The following KLF12 variants were observed in gnomAD, a reference collection of about 807,000 sequenced individuals.
KLF12 encodes Krueppel-like factor 12.
In KLF12, 9 loss-of-function variants were observed where a neutral mutation model predicts 37.8. The observed-to-expected ratio is 0.24, with a 90% CI of 0.14 to 0.42. KLF12 has a LOEUF of 0.42. KLF12 is among the 10% of genes least tolerant of loss of function. KLF12 has a pLI of 1.00. For synonymous variants in KLF12, 208 were observed against 202.1 expected (o/e 1.03, Z -0.25); for missense variants, 411 against 516.0 (o/e 0.80, Z 1.97).
chr13:74,148,055 G>C, the KLF12 span, among the ~76,000 whole-genome samples: 1 of 151,846 alleles, frequency 6.6e-6, no homozygotes, highest in African/African-American at 2.4e-5. Context: ...GGGATTACAG[G>C]CATGTACCAC....
At chr13:73,755,588 T>C (rs931920378) in intron 6 of KLF12, among the ~76,000 whole-genome samples, 1 of 151,928 alleles carries the variant, frequency 6.6e-6, no homozygotes, top group African/African-American at 2.4e-5. Context: ...GATTGTGGGC[T>C]AATACTTAGG....
intron 1 of KLF12, among the ~76,000 whole-genome samples, chr13:74,030,447 T>C (rs1385216904): frequency 6.6e-6 from 1 of 152,086 alleles, no homozygotes; most frequent in Non-Finnish European, 1.5e-5. Context: ...CATCAACTTC[T>C]TTCATTAGAA....
chr13:73,746,506 C>T (rs7330561), intron 6 of KLF12, among the ~76,000 whole-genome samples: 73,091 of 151,866 alleles, frequency 0.48, 19,079 homozygotes, highest in African/African-American at 0.68. Flanking sequence ...TTTATATTTA[C>T]ATATGCCGTT....
At chr13:73,783,327 G>C (rs1881093587) in intron 5 of KLF12, among the ~76,000 whole-genome samples, 1 of 152,152 alleles carries the variant, frequency 6.6e-6, no homozygotes, top group South Asian at 2.1e-4. Context: ...GCTGGGAAGG[G>C]AGTGGGTAGA....
chr13:73,743,797 A>T (rs1396407743), intron 6 of KLF12, among the ~76,000 whole-genome samples: 1 of 152,200 alleles, frequency 6.6e-6, no homozygotes, highest in African/African-American at 2.4e-5. Context: ...AGTTCTGCTC[A>T]TCAGTGAGAA....
the KLF12 span, among the ~76,000 whole-genome samples, chr13:74,211,243 T>A: frequency 3.9e-5 from 6 of 152,290 alleles, no homozygotes; most frequent in Admixed American, 3.9e-4. Context: ...CCTTGGGTCC[T>A]TGCTGGTTTG....
intron 2 of KLF12, among the ~76,000 whole-genome samples, chr13:73,979,981 T>C (rs536154554): frequency 6.6e-6 from 1 of 152,254 alleles, no homozygotes; most frequent in East Asian, 1.9e-4. Flanking sequence ...AGACAGCCAT[T>C]TCCAAGCCAG....
chr13:73,899,057 A>T (rs1000508262), intron 3 of KLF12, among the ~76,000 whole-genome samples: 1 of 152,232 alleles, frequency 6.6e-6, no homozygotes, highest in African/African-American at 2.4e-5. Flanking sequence ...AAGTCATGCC[A>T]TCACCAGATG....
At chr13:74,019,460 C>T (rs749137692) in intron 1 of KLF12, among the ~76,000 whole-genome samples, 3 of 152,138 alleles carry the variant, frequency 2.0e-5, no homozygotes, top group Non-Finnish European at 2.9e-5. Context: ...ACAGAGAAAG[C>T]AGTTTCCATT....
At chr13:74,010,286 C>T (rs1892518433) in intron 1 of KLF12, among the ~76,000 whole-genome samples, 1 of 152,182 alleles carries the variant, frequency 6.6e-6, no homozygotes, top group African/African-American at 2.4e-5. Flanking sequence ...AAGAACACCA[C>T]CCTACACACA....
At chr13:73,945,611 C>G (rs1037297397) in intron 2 of KLF12, among the ~76,000 whole-genome samples, 2 of 151,274 alleles carry the variant, frequency 1.3e-5, no homozygotes, top group Non-Finnish European at 2.9e-5. Flanking sequence ...GAAAAATGTT[C>G]CAAGAAATAA....
chr13:74,023,734 G>C (rs1452906087), intron 1 of KLF12, among the ~76,000 whole-genome samples: 2 of 152,140 alleles, frequency 1.3e-5, no homozygotes, highest in Non-Finnish European at 2.9e-5. Context: ...AATTCCAAAT[G>C]AGATCACATT....
chr13:73,817,187 A>G (rs1200482857), intron 4 of KLF12, among the ~76,000 whole-genome samples: 2 of 151,862 alleles, frequency 1.3e-5, no homozygotes, highest in Non-Finnish European at 2.9e-5. Flanking sequence ...GTGTGGTGGC[A>G]TATGCCTGTA....
At chr13:73,982,894 T>C (rs913766346) in intron 2 of KLF12, among the ~76,000 whole-genome samples, 4 of 152,190 alleles carry the variant, frequency 2.6e-5, no homozygotes, top group Non-Finnish European at 5.9e-5. Flanking sequence ...TTTTCATTTA[T>C]TTCAGGATTT....
intron 3 of KLF12, among the ~76,000 whole-genome samples, chr13:73,862,495 C>A (rs1204594785): frequency 6.6e-6 from 1 of 152,186 alleles, no homozygotes; most frequent in Non-Finnish European, 1.5e-5. Flanking sequence ...CTAACTCCCA[C>A]ATCTGAATCT....
intron 2 of KLF12, among the ~76,000 whole-genome samples, chr13:73,974,431 G>C (rs937221047): frequency 4.6e-5 from 7 of 152,104 alleles, no homozygotes; most frequent in African/African-American, 1.7e-4. Context: ...GAAGACAAAG[G>C]AGCATCGTCT....
chr13:74,298,308 G>C, the KLF12 span, among the ~76,000 whole-genome samples: 1 of 152,204 alleles, frequency 6.6e-6, no homozygotes, highest in Non-Finnish European at 1.5e-5. Context: ...AAAGGAACAT[G>C]GGGTTGCAGA....
At chr13:74,270,179 G>C in the KLF12 span, among the ~76,000 whole-genome samples, 1 of 151,992 alleles carries the variant, frequency 6.6e-6, no homozygotes, top group Admixed American at 6.6e-5. Context: ...TTTTTTTCAT[G>C]ATGAGCCGTT....
rs559695425 is a variant in KLF12, at chr13:73,779,260, G to GT, written c.807-14261dup. On this transcript the variant is annotated intron_variant, in intron 5 of 7. Transcript: ENST00000377669. Reference sequence around the variant, plus strand: ...GGCAGAACCCCCTAGAGAGTTTCAGGTTTTTAGCTCCTCACCAGAAACAGG... The same window carrying GT: ...GGCAGAACCCCCTAGAGAGTTTCAGGTTTTTTAGCTCCTCACCAGAAACAGG... Among the ~76,000 whole-genome samples, 6 of 152,230 alleles carry GT rather than the reference G, an allele frequency of 3.9e-5. No individual in the cohort carries two copies. The East Asian group carries it at 1.2e-3, about 29-fold the overall frequency.
Sources: gnomAD v4.1 joint callset for allele counts (sites outside exome capture counted in the v4.1 genomes callset) on GRCh38, gnomAD v4.1.1 for gene constraint, MANE v1.5 for transcripts, NCBI Gene and HGNC (gene_info 2026-07-23, HGNC 2026-07-21) for gene names.